KCNIP4: variants seen among roughly 807,000 people sequenced by gnomAD.
KCNIP4 encodes the protein potassium voltage-gated channel interacting protein 4, also known as Kv channel-interacting protein 4.
KCNIP4 carries 12 observed loss-of-function variants against 34.0 expected under a neutral mutation model. That is an observed-to-expected ratio of 0.35 (90% confidence interval 0.23 to 0.57). The LOEUF is 0.57. KCNIP4 is among the 20% of genes least tolerant of loss of function. The probability of loss-of-function intolerance (pLI) is 0.83; values close to 1 mark genes in which losing one functional copy is unlikely to be tolerated. For synonymous variants in KCNIP4, 124 were observed against 102.2 expected (o/e 1.21, Z -1.29); for missense variants, 238 against 311.7 (o/e 0.76, Z 1.78).
intron 1 of KCNIP4, among the ~76,000 whole-genome samples, chr4:20,888,239 AC>A (rs1230844089): frequency 1.3e-5 from 2 of 152,164 alleles, no homozygotes; most frequent in Non-Finnish European, 2.9e-5. Flanking sequence ...TGTATACCCC[AC>A]CATATAATTA....
chr4:21,602,935 T>C lies in KCNIP4; in HGVS notation c.61+345636A>G, dbSNP rs144123946. The stretch of plus-strand genomic sequence containing the variant: ...TTATGAAACACTAATGAATAAGATA[T>C]AATGTCCATGTTTATATACATTCCT... On this transcript the variant is annotated intron_variant, in intron 1 of 8. Coordinates refer to ENST00000382152, the MANE Select transcript of KCNIP4 (RefSeq NM_025221.6). Among the ~76,000 whole-genome samples, 584 of 152,316 alleles carry C rather than the reference T, an allele frequency of 3.8e-3. 8 individuals carry two copies. The highest frequency in any genetic ancestry group is 0.013 in the African/African-American group (546 of 41,592).
intron 1 of KCNIP4, among the ~76,000 whole-genome samples, chr4:21,001,711 C>G (rs1439211544): frequency 2.6e-5 from 4 of 152,174 alleles, no homozygotes. Flanking sequence ...TTAACTGTCA[C>G]AAGGACTCTG....
At chr4:21,889,910 T>C (rs1290472326) in intron 1 of KCNIP4, among the ~76,000 whole-genome samples, 1 of 152,162 alleles carries the variant, frequency 6.6e-6, no homozygotes, top group African/African-American at 2.4e-5. Flanking sequence ...GTATATTTGC[T>C]CACCCTTAGT....
At chr4:21,102,574 A>T (rs1399896541) in intron 1 of KCNIP4, among the ~76,000 whole-genome samples, 2 of 152,236 alleles carry the variant, frequency 1.3e-5, no homozygotes, top group African/African-American at 4.8e-5. Context: ...AGCTGAAGTC[A>T]TGGAAGTCTG....
At chr4:21,105,503 A>C (rs1224624135) in intron 1 of KCNIP4, among the ~76,000 whole-genome samples, 1 of 151,618 alleles carries the variant, frequency 6.6e-6, no homozygotes, top group Non-Finnish European at 1.5e-5. Flanking sequence ...GGGCTGAGAC[A>C]ATGGGGTTTT....
chr4:21,869,692 T>A (rs1725645744), intron 1 of KCNIP4, among the ~76,000 whole-genome samples: 1 of 151,484 alleles, frequency 6.6e-6, no homozygotes, highest in African/African-American at 2.4e-5. Context: ...CTCTCTCTCT[T>A]GCTCTTCCCC....
chr4:21,419,610 G>A (rs1476765016), intron 1 of KCNIP4, among the ~76,000 whole-genome samples: 1 of 152,066 alleles, frequency 6.6e-6, no homozygotes, highest in African/African-American at 2.4e-5. Context: ...GCCCAGCAGG[G>A]TTGAAAAATG....
rs1477090931 is a variant in KCNIP4 at position 21,948,664 on chromosome 4, G to C, written c.-33C>G. The C allele has an allele frequency of 8.7e-6, 14 of 1,605,014 alleles. No individual in the cohort carries two copies. The highest frequency in any genetic ancestry group is 1.2e-5 in the Non-Finnish European group (14 of 1,175,442). ...GACGCAGGGTGCAGAAGCGAGACTC[G>C]AGAGTCCACCGGCCAGGGGCGTCTG... On this transcript the variant is annotated 5_prime_UTR_variant, in exon 1 of 9. Coordinates refer to ENST00000382152, the MANE Select transcript of KCNIP4 (RefSeq NM_025221.6).
At chr4:21,230,402 G>A (rs1423074465) in intron 1 of KCNIP4, among the ~76,000 whole-genome samples, 1 of 152,134 alleles carries the variant, frequency 6.6e-6, no homozygotes, top group East Asian at 1.9e-4. Context: ...TTGTTACATA[G>A]GTAAACGTGT....
At chr4:21,702,576 AC>A (rs1293544154) in intron 1 of KCNIP4, among the ~76,000 whole-genome samples, 2 of 152,278 alleles carry the variant, frequency 1.3e-5, no homozygotes, top group East Asian at 3.9e-4. Flanking sequence ...ATAGCTTTAT[AC>A]CTGTTAAGTA....
chr4:21,467,374 T>C (rs1263398438), intron 1 of KCNIP4, among the ~76,000 whole-genome samples: 2 of 152,110 alleles, frequency 1.3e-5, no homozygotes, highest in Non-Finnish European at 2.9e-5. Flanking sequence ...GCGGTCTGTT[T>C]TTCTGGATTT....
chr4:21,474,801 C>T (rs1560441475), intron 1 of KCNIP4, among the ~76,000 whole-genome samples: 1 of 151,854 alleles, frequency 6.6e-6, no homozygotes, highest in African/African-American at 2.4e-5. Flanking sequence ...TTGAGACCAG[C>T]CTGGCCAACA....
intron 1 of KCNIP4, among the ~76,000 whole-genome samples, chr4:21,579,976 T>C (rs537739931): frequency 1.8e-4 from 28 of 152,232 alleles, no homozygotes; most frequent in African/African-American, 6.5e-4. Context: ...ACGAGAATTA[T>C]CAATGGACCT....
intron 1 of KCNIP4, among the ~76,000 whole-genome samples, chr4:21,038,255 G>A (rs550671166): frequency 7.7e-4 from 118 of 152,286 alleles, no homozygotes; most frequent in African/African-American, 2.7e-3. Flanking sequence ...GATTACAGGC[G>A]TGAGCCACCA....
At chr4:20,806,155 GTTTC>G (rs1417951113) in intron 3 of KCNIP4, among the ~76,000 whole-genome samples, 1 of 151,908 alleles carries the variant, frequency 6.6e-6, no homozygotes, top group Non-Finnish European at 1.5e-5. Context: ...TTAAAAATGA[GTTTC>G]TTTATTGTCA....
At chr4:21,055,093 A>G (rs140943702) in intron 1 of KCNIP4, among the ~76,000 whole-genome samples, 5 of 152,302 alleles carry the variant, frequency 3.3e-5, no homozygotes, top group African/African-American at 1.2e-4. Context: ...CCCAATTAAA[A>G]AACATGTTAA....
intron 1 of KCNIP4, among the ~76,000 whole-genome samples, chr4:21,899,303 A>G (rs1248600263): frequency 6.6e-6 from 1 of 152,190 alleles, no homozygotes; most frequent in Non-Finnish European, 1.5e-5. Context: ...TAAAAGCCAA[A>G]TAAAGAACAA....
intron 1 of KCNIP4, among the ~76,000 whole-genome samples, chr4:21,169,098 T>C (rs1422597162): frequency 6.6e-6 from 1 of 152,218 alleles, no homozygotes. Context: ...GCATGTTAAG[T>C]CAACCTATAG....
intron 1 of KCNIP4, among the ~76,000 whole-genome samples, chr4:21,110,399 G>A (rs1199964829): frequency 6.6e-6 from 1 of 152,128 alleles, no homozygotes; most frequent in African/African-American, 2.4e-5. Flanking sequence ...ACCAATGAGG[G>A]TTTTGCAGAA....
Sources: allele counts gnomAD v4.1 joint callset (sites outside exome capture counted in the v4.1 genomes callset), GRCh38; gene constraint gnomAD v4.1.1; transcripts MANE v1.5; gene names NCBI Gene and HGNC (gene_info 2026-07-23, HGNC 2026-07-21).